PCDHA3: variants seen among roughly 807,000 people sequenced by gnomAD.
PCDHA3 encodes protocadherin alpha 3, also known as protocadherin alpha-3.
PCDHA3 carries 41 observed loss-of-function variants against 62.2 expected under a neutral mutation model. The ratio of observed to expected loss-of-function variants is 0.66; its 90% CI spans 0.51 to 0.86. PCDHA3 has a LOEUF of 0.86. Ranked by LOEUF, PCDHA3 falls within the 40% of genes least tolerant of loss-of-function variation. The pLI is 0.00. For missense variants in PCDHA3, 1,304 were observed against 1,241.2 expected, an observed-to-expected ratio of 1.05 and a Z score of -0.76; for synonymous variants, 640 against 555.4, an observed-to-expected ratio of 1.15 and a Z score of -2.14.
intron 1 of PCDHA3, chr5:140,865,758 G>A (rs2048989245): frequency 6.6e-6 from 1 of 152,150 alleles, no homozygotes; most frequent in African/African-American, 2.4e-5. Flanking sequence ...CCAGTACATG[G>A]TGGAGATATT....
intron 1 of PCDHA3, among the ~76,000 whole-genome samples, chr5:140,950,750 C>T (rs1320735521): frequency 3.3e-5 from 5 of 151,928 alleles, no homozygotes; most frequent in Non-Finnish European, 7.4e-5. Flanking sequence ...TCTCTCTATC[C>T]TTTCTGGACT....
At chr5:140,971,207 A>C (rs2096463327) in intron 1 of PCDHA3, among the ~76,000 whole-genome samples, 1 of 152,050 alleles carries the variant, frequency 6.6e-6, no homozygotes, top group South Asian at 2.1e-4. Flanking sequence ...AGACACTGTT[A>C]CCCTCCCTCT....
rs1231987544 is a variant in PCDHA3 at position 140,807,292 on chromosome 5, C to G, written c.2394+3701C>G. The G allele has an allele frequency of 1.9e-6, 3 of 1,614,116 alleles. No homozygotes were observed. In the East Asian group the frequency reaches 6.7e-5, roughly 36 times the overall value. On this transcript the variant is annotated intron_variant, in intron 1 of 3. Transcript: ENST00000522353. Reference sequence around the variant, plus strand: ...GGAACGGTCAGCTCCACTACTCGGTCTCCGAGGAGGCCAAACACGGCACCT... The same window carrying G: ...GGAACGGTCAGCTCCACTACTCGGTGTCCGAGGAGGCCAAACACGGCACCT...
intron 1 of PCDHA3, among the ~76,000 whole-genome samples, chr5:140,935,606 T>C (rs531169810): frequency 6.6e-6 from 1 of 152,352 alleles, no homozygotes; most frequent in East Asian, 1.9e-4. Flanking sequence ...GAGCTAGGCT[T>C]TTTTCAAGTC....
rs573633705 is a variant in PCDHA3, at chr5:140,978,668, C to T, written c.2395-281C>T. ...TGTTCTTCCCGTAGTGTTTTAAGAACACAGACATGTATTGGGCAAGGCAAA... is the reference window on the plus strand; with the variant it reads ...TGTTCTTCCCGTAGTGTTTTAAGAATACAGACATGTATTGGGCAAGGCAAA... On this transcript the variant is annotated intron_variant, in intron 1 of 3. Coordinates refer to ENST00000522353, the MANE Select transcript of PCDHA3 (RefSeq NM_018906.3). 4.6e-5 allele frequency among the ~76,000 whole-genome samples: 7 copies of T among 152,362 alleles called. No homozygotes were observed. The East Asian group carries it at 1.3e-3, about 29-fold the overall frequency.
chr5:140,892,813 T>C (rs1335475161), intron 1 of PCDHA3, among the ~76,000 whole-genome samples: 1 of 152,228 alleles, frequency 6.6e-6, no homozygotes, highest in Non-Finnish European at 1.5e-5. Context: ...ACCATATTTA[T>C]CCTACAGTGC....
At chr5:140,911,437 G>A (rs530362672) in intron 1 of PCDHA3, among the ~76,000 whole-genome samples, 3 of 152,166 alleles carry the variant, frequency 2.0e-5, no homozygotes, top group East Asian at 3.9e-4. Context: ...CCAATTTCCC[G>A]CAATTTCAGC....
In PCDHA3 at chr5:141,002,220, G is replaced by GC. The variant is rs1319895049; in HGVS notation, c.2543-7407_2543-7406insC. ...AGTCCCCGGCTTTAATCAAAATGAT[G>GC]GGTTTTCTGGAAGCTCTTTATTAAC... On this transcript the variant is annotated intron_variant, in intron 3 of 3. Coordinates refer to ENST00000522353, the MANE Select transcript of PCDHA3 (RefSeq NM_018906.3). Among the ~76,000 whole-genome samples, 33 of 152,196 alleles carry GC rather than the reference G, an allele frequency of 2.2e-4. 1 individual carries two copies. Among genetic ancestry groups the GC allele is most frequent in the Admixed American group, 1.0e-3 (16 of 15,274 alleles).
chr5:141,002,689 T>C (rs2098092113), intron 3 of PCDHA3, among the ~76,000 whole-genome samples: 1 of 152,186 alleles, frequency 6.6e-6, no homozygotes, highest in African/African-American at 2.4e-5. Context: ...GACGTGCAGA[T>C]TTGTTTAACT....
intron 1 of PCDHA3, chr5:140,805,274 A>G: frequency 7.8e-7 from 1 of 1,285,874 alleles, no homozygotes; most frequent in Non-Finnish European, 9.8e-7. Flanking sequence ...TGAAAATATT[A>G]CAAATGAAAT....
At position 140,913,249 on chromosome 5, in the gene PCDHA3, A is replaced by G. The variant is rs1389386272; in HGVS notation, c.2395-65700A>G. ...CTTTGCTGGGAGACTTTTTGTTACA[A>G]CTTTGATCTAATTACTTGTTATTGG... On this transcript the variant is annotated intron_variant, in intron 1 of 3. Transcript: ENST00000522353. Among the ~76,000 whole-genome samples the G allele has an allele frequency of 4.6e-5, 7 of 152,262 alleles. No individual in the cohort carries two copies. The East Asian group carries it at 9.6e-4, about 21-fold the overall frequency.
rs2150167979 is a variant in PCDHA3 at position 140,829,443 on chromosome 5, A to G, written c.2394+25852A>G. On this transcript the variant is annotated intron_variant, in intron 1 of 3. Coordinates refer to ENST00000522353, the MANE Select transcript of PCDHA3 (RefSeq NM_018906.3). Reference sequence around the variant, plus strand: ...GTGGAGGTGGCCGACATGAATGACAATGCTCCGGCGTTCGCGCAGCCCGAG... The same window carrying G: ...GTGGAGGTGGCCGACATGAATGACAGTGCTCCGGCGTTCGCGCAGCCCGAG... 6 of 1,613,850 alleles carry G rather than the reference A, an allele frequency of 3.7e-6. No homozygotes were observed. Among genetic ancestry groups the G allele is most frequent in the Non-Finnish European group, 5.1e-6 (6 of 1,180,044 alleles).
intron 1 of PCDHA3, chr5:140,843,480 C>T (rs2150360983): frequency 2.5e-6 from 4 of 1,596,022 alleles, no homozygotes; most frequent in East Asian, 2.2e-5. Context: ...CTGTACACTG[C>T]GCTGCGGTGC....
chr5:140,907,616 GCT>G (rs1554193070), intron 1 of PCDHA3, among the ~76,000 whole-genome samples: 1 of 152,216 alleles, frequency 6.6e-6, no homozygotes, highest in Non-Finnish European at 1.5e-5. Context: ...CATATCAAGG[GCT>G]CAGTGTTGGT....
chr5:140,849,825 G>A, intron 1 of PCDHA3: 1 of 1,598,526 alleles, frequency 6.3e-7, no homozygotes, highest in Non-Finnish European at 8.6e-7. Context: ...GGTGTCTGTG[G>A]AGGTGGCCGA....
intron 1 of PCDHA3, chr5:140,876,199 G>A (rs1343468592): frequency 6.2e-7 from 1 of 1,613,822 alleles, no homozygotes; most frequent in African/African-American, 1.3e-5. Context: ...TCCGGCGTTT[G>A]ATAAGCCCAG....
At chr5:140,985,180 G>A (rs782679962) in intron 3 of PCDHA3, among the ~76,000 whole-genome samples, 1 of 152,028 alleles carries the variant, frequency 6.6e-6, no homozygotes, top group Non-Finnish European at 1.5e-5. Flanking sequence ...CTCGTAATCC[G>A]CCTGCCTCGG....
intron 1 of PCDHA3, among the ~76,000 whole-genome samples, chr5:140,832,543 A>T (rs1469117673): frequency 6.6e-6 from 1 of 152,226 alleles, no homozygotes; most frequent in Non-Finnish European, 1.5e-5. Context: ...TGTGTAGCTA[A>T]TGATATCTAA....
chr5:140,878,627 T>C (rs2057676475), intron 1 of PCDHA3, among the ~76,000 whole-genome samples: 1 of 152,236 alleles, frequency 6.6e-6, no homozygotes, highest in Non-Finnish European at 1.5e-5. Flanking sequence ...TTACATATTT[T>C]AACTTTCTAT....
Sources: allele counts gnomAD v4.1 joint callset (sites outside exome capture counted in the v4.1 genomes callset), GRCh38; gene constraint gnomAD v4.1.1; transcripts MANE v1.5; gene names NCBI Gene and HGNC (gene_info 2026-07-23, HGNC 2026-07-21).